The following PCDHGB3 variants were observed in gnomAD, a reference collection of about 807,000 sequenced individuals.
The protein encoded by PCDHGB3 is protocadherin gamma subfamily B, 3.
PCDHGB3 carries 40 observed loss-of-function variants against 59.2 expected under a neutral mutation model. That is an observed-to-expected ratio of 0.68 (90% CI 0.52 to 0.88). PCDHGB3 has a LOEUF of 0.88. PCDHGB3 is among the 40% of genes least tolerant of loss of function. PCDHGB3 has a pLI of 0.00. For synonymous variants in PCDHGB3, 581 were observed against 503.6 expected, an observed-to-expected ratio of 1.15 and a Z score of -2.06; for missense variants, 1,309 against 1,187.9, an observed-to-expected ratio of 1.10 and a Z score of -1.50.
rs143907071 is a variant in PCDHGB3, at chr5:141,372,926, G to A, written c.2415+117G>A. 48 of 943,814 alleles carry A rather than the reference G, an allele frequency of 5.1e-5. No individual in the cohort carries two copies. In the African/African-American group the frequency reaches 7.5e-4, roughly 15 times the overall value. 58.5% of individuals were successfully genotyped at this position (943,814 alleles called of 1,614,324 possible). On this transcript the variant is annotated intron_variant, in intron 1 of 3. Coordinates refer to ENST00000576222, the MANE Select transcript of PCDHGB3 (RefSeq NM_018924.5). ...GATTACATTATTTTATTGATTTTCT[G>A]GTGTAGAGTAGGGTGTCTAGGAAAT...
chr5:141,394,136 C>A, intron 1 of PCDHGB3: 3 of 1,613,956 alleles, frequency 1.9e-6, no homozygotes, highest in Non-Finnish European at 2.5e-6. Flanking sequence ...TCGCTCTGCA[C>A]GTGGCAGACA....
At position 141,463,796 on chromosome 5, in the gene PCDHGB3, G is replaced by A. The variant is rs139760353; in HGVS notation, c.2416-31011G>A. ...ATCCTGCACTGTCTTTTGAACAAAT[G>A]TCTAAAAGCTTTTATCACACATTTT... On this transcript the variant is annotated intron_variant, in intron 1 of 3. Coordinates refer to ENST00000576222, the MANE Select transcript of PCDHGB3 (RefSeq NM_018924.5). Among the ~76,000 whole-genome samples, 155 of 152,232 alleles carry A rather than the reference G, an allele frequency of 1.0e-3. 1 individual carries two copies. The highest frequency in any genetic ancestry group is 3.4e-3 in the African/African-American group (140 of 41,538).
At chr5:141,478,845 A>G in intron 1 of PCDHGB3, 2 of 1,389,784 alleles carry the variant, frequency 1.4e-6, no homozygotes, top group Non-Finnish European at 9.5e-7. Flanking sequence ...TGGTTAAGCT[A>G]AAACACAAGA....
Position 141,476,267 on chromosome 5 carries a change from G to A in PCDHGB3, c.2416-18540G>A, listed in dbSNP as rs373758158. The A allele has an allele frequency of 6.8e-6, 11 of 1,613,938 alleles. No homozygotes were observed. Among genetic ancestry groups the A allele is most frequent in the African/African-American group, 1.3e-5 (1 of 74,884 alleles). On this transcript the variant is annotated intron_variant, in intron 1 of 3. Transcript: ENST00000576222. The surrounding 1 kb of genome is among the most constrained non-coding windows in gnomAD (Gnocchi z 7.6). ...GAAGGGTTTCGCTGTGGGCAACGTG[G>A]TCGCGAACCTTGGTTTGGATCTCGG...
intron 1 of PCDHGB3, among the ~76,000 whole-genome samples, chr5:141,437,723 G>A (rs2097904411): frequency 6.6e-6 from 1 of 150,736 alleles, no homozygotes; most frequent in South Asian, 2.1e-4. Context: ...ACCCTCTAAT[G>A]TTACACTTTG....
intron 1 of PCDHGB3, among the ~76,000 whole-genome samples, chr5:141,472,213 C>T (rs1294676431): frequency 2.0e-5 from 3 of 152,178 alleles, no homozygotes; most frequent in African/African-American, 7.2e-5. Flanking sequence ...TAAGACCTTA[C>T]TCTCGATCAT....
rs187307897 is a variant in PCDHGB3 at position 141,505,900 on chromosome 5, A to G, written c.2563+419A>G. 2.6e-4 allele frequency among the ~76,000 whole-genome samples: 39 copies of G among 152,296 alleles called. 1 individual carries two copies. In the East Asian group the frequency reaches 6.8e-3, roughly 26 times the overall value. ...TGTAGAGATTAAATGAGATGATACCACAAAGCATAGAGTTCTGGGCCTGGC... is the reference window on the plus strand; with the variant it reads ...TGTAGAGATTAAATGAGATGATACCGCAAAGCATAGAGTTCTGGGCCTGGC... On this transcript the variant is annotated intron_variant, in intron 3 of 3. Transcript: ENST00000576222.
At chr5:141,433,849 A>AC (rs1304649814) in intron 1 of PCDHGB3, among the ~76,000 whole-genome samples, 10 of 152,030 alleles carry the variant, frequency 6.6e-5, no homozygotes, top group Admixed American at 1.3e-4. Flanking sequence ...AAAAAAAAAA[A>AC]AAAAAACTTT....
At chr5:141,387,439 A>G (rs1437445923) in intron 1 of PCDHGB3, among the ~76,000 whole-genome samples, 2 of 152,248 alleles carry the variant, frequency 1.3e-5, no homozygotes, top group African/African-American at 4.8e-5. Context: ...TTATGTACTT[A>G]ATCTACATGA....
intron 1 of PCDHGB3, chr5:141,433,257 G>T: frequency 7.2e-7 from 1 of 1,385,416 alleles, no homozygotes; most frequent in Non-Finnish European, 9.9e-7. Context: ...GCAGCGGTAC[G>T]ATCATAGCTC....
intron 1 of PCDHGB3, chr5:141,414,940 G>C: frequency 7.4e-6 from 12 of 1,614,104 alleles, no homozygotes; most frequent in Non-Finnish European, 9.3e-6. Context: ...CGCAGAGCCC[G>C]GCTACCTGGT....
chr5:141,400,776 G>A (rs1461818790), intron 1 of PCDHGB3: 9 of 557,602 alleles, frequency 1.6e-5, no homozygotes, highest in Middle Eastern at 4.6e-4. Context: ...CATTTGGTGC[G>A]TTTTTTTGTC....
At position 141,477,811 on chromosome 5, in the gene PCDHGB3, C is replaced by A. The variant is rs1211574518; in HGVS notation, c.2416-16996C>A. 1 of 1,614,046 alleles carries A rather than the reference C, an allele frequency of 6.2e-7. No individual in the cohort carries two copies. Among genetic ancestry groups the A allele is most frequent in the Non-Finnish European group, 8.5e-7 (1 of 1,180,034 alleles). On this transcript the variant is annotated intron_variant, in intron 1 of 3. Transcript: ENST00000576222. This position sits in a 1 kb window ranked among gnomAD's most constrained non-coding sequence, Gnocchi z 4.9. ...TCACTGATCGCAATGACAATGCCCC[C>A]CAGGTCCTATATCCTCGGCCAGGTG...
rs746539261 is a variant in PCDHGB3, at chr5:141,415,336, C to A, written c.2415+42527C>A. On this transcript the variant is annotated intron_variant, in intron 1 of 3. Transcript: ENST00000576222. ...CATCGTGCTGCTGGCGCACAGGCTG[C>A]GGCGCTGGCACAAGTCACGCCTGCT... 7 of 1,614,200 alleles carry A rather than the reference C, an allele frequency of 4.3e-6. 1 individual carries two copies. The South Asian group carries it at 7.7e-5, about 18-fold the overall frequency.
intron 1 of PCDHGB3, chr5:141,424,126 G>C: frequency 9.3e-6 from 5 of 538,222 alleles, no homozygotes; most frequent in Non-Finnish European, 1.2e-5. Flanking sequence ...TGATCCTGTT[G>C]ATTTAATAGC....
In PCDHGB3 at chr5:141,404,090, G is replaced by T. The variant is rs1014506897; in HGVS notation, c.2415+31281G>T. On this transcript the variant is annotated intron_variant, in intron 1 of 3. Transcript: ENST00000576222. ...TCATGACCGAGACTCCGGGAAGAATGGTCAAGTTGTCTGTTCTATCCAGGA... is the reference window on the plus strand; with the variant it reads ...TCATGACCGAGACTCCGGGAAGAATTGTCAAGTTGTCTGTTCTATCCAGGA... 4 of 1,613,262 alleles carry T rather than the reference G, an allele frequency of 2.5e-6. No homozygotes were observed. In the Admixed American group the frequency reaches 6.7e-5, roughly 27 times the overall value.
intron 3 of PCDHGB3, among the ~76,000 whole-genome samples, chr5:141,509,574 G>T (rs554778751): frequency 6.6e-6 from 1 of 152,300 alleles, no homozygotes; most frequent in South Asian, 2.1e-4. Context: ...TTCACAGTGC[G>T]TACAAATCAG....
intron 1 of PCDHGB3, among the ~76,000 whole-genome samples, chr5:141,464,549 C>T (rs2099086404): frequency 6.6e-6 from 1 of 152,014 alleles, no homozygotes; most frequent in Non-Finnish European, 1.5e-5. Flanking sequence ...TAGCTATTCC[C>T]CATCTTGCAT....
At chr5:141,421,678 G>T in intron 1 of PCDHGB3, 3 of 1,613,892 alleles carry the variant, frequency 1.9e-6, no homozygotes, top group Non-Finnish European at 2.5e-6. Context: ...AATTCCTGGG[G>T]CGCGATTTGC....
Sources: allele counts gnomAD v4.1 joint callset (sites outside exome capture counted in the v4.1 genomes callset), GRCh38; gene constraint gnomAD v4.1.1; non-coding constraint Gnocchi (gnomAD v3.1); transcripts MANE v1.5; gene names NCBI Gene and HGNC (gene_info 2026-07-23, HGNC 2026-07-21).